Variants in HMBOX1 observed in about 807,000 individuals in gnomAD.
HMBOX1 encodes the protein homeobox-containing protein 1.
HMBOX1 carries 14 observed loss-of-function variants against 54.5 expected under a neutral mutation model. The observed-to-expected ratio is 0.26, with a 90% CI of 0.17 to 0.40. HMBOX1 has a LOEUF of 0.40. Among genes scored for constraint, HMBOX1 ranks in the 10% least tolerant of loss-of-function variants. HMBOX1 has a pLI of 1.00. For missense variants in HMBOX1, 332 were observed against 514.4 expected, an observed-to-expected ratio of 0.65 and a Z score of 3.43; for synonymous variants, 160 against 181.0, an observed-to-expected ratio of 0.88 and a Z score of 0.93.
intron 4 of HMBOX1, among the ~76,000 whole-genome samples, chr8:28,990,411 A>G (rs188545417): frequency 6.6e-5 from 10 of 152,286 alleles, no homozygotes; most frequent in African/African-American, 1.9e-4. Flanking sequence ...TATTTTATCA[A>G]ATGCTTTTTC....
intron 2 of HMBOX1, among the ~76,000 whole-genome samples, chr8:28,966,513 A>G (rs1265206480): frequency 6.6e-6 from 1 of 152,218 alleles, no homozygotes; most frequent in Non-Finnish European, 1.5e-5. Flanking sequence ...TTTCTGTTAT[A>G]AAAGAATTGC....
chr8:28,937,172 G>T (rs918411325), intron 1 of HMBOX1, among the ~76,000 whole-genome samples: 15 of 152,180 alleles, frequency 9.9e-5, no homozygotes, highest in Admixed American at 4.6e-4. Context: ...TAGTGGTTTT[G>T]AAGTGGGTGT....
At chr8:28,942,137 G>A (rs1028354899) in intron 1 of HMBOX1, among the ~76,000 whole-genome samples, 2 of 152,188 alleles carry the variant, frequency 1.3e-5, no homozygotes, top group African/African-American at 4.8e-5. Flanking sequence ...GTGCCCCGGA[G>A]GTGCCAGGCT....
intron 1 of HMBOX1, among the ~76,000 whole-genome samples, chr8:28,894,942 CAA>C (rs575886185): frequency 6.0e-5 from 7 of 116,706 alleles, no homozygotes; most frequent in African/African-American, 1.5e-4. Context: ...TTAACATTTG[CAA>C]AAAAAAAAAA....
chr8:29,034,413 G>A (rs185127417), intron 6 of HMBOX1, among the ~76,000 whole-genome samples: 19 of 152,312 alleles, frequency 1.2e-4, no homozygotes, highest in African/African-American at 4.6e-4. Flanking sequence ...TACTAGGTTT[G>A]TCATCAAAAT....
At chr8:28,915,973 A>G (rs964226075) in intron 1 of HMBOX1, 6 of 152,190 alleles carry the variant, frequency 3.9e-5, no homozygotes, top group African/African-American at 1.4e-4. Context: ...TAAGTCTTCA[A>G]AACTGGTATT....
chr8:28,984,021 G>A (rs1017033238), intron 4 of HMBOX1, among the ~76,000 whole-genome samples: 8 of 152,214 alleles, frequency 5.3e-5, no homozygotes, highest in African/African-American at 1.9e-4. Flanking sequence ...AAGAGATCCA[G>A]CTAGAGAATA....
chr8:28,907,333 T>C (rs1814532979), intron 1 of HMBOX1, among the ~76,000 whole-genome samples: 1 of 152,204 alleles, frequency 6.6e-6, no homozygotes, highest in Non-Finnish European at 1.5e-5. Flanking sequence ...AGGGTAGAGC[T>C]CAGGTCACTT....
At chr8:29,011,180 TA>T (rs1834175147) in intron 5 of HMBOX1, among the ~76,000 whole-genome samples, 1 of 152,224 alleles carries the variant, frequency 6.6e-6, no homozygotes, top group Non-Finnish European at 1.5e-5. Context: ...GGTTTTCACT[TA>T]AAAAATTCTT....
chr8:28,926,417 G>A (rs1818517724), intron 1 of HMBOX1, among the ~76,000 whole-genome samples: 1 of 152,072 alleles, frequency 6.6e-6, no homozygotes, highest in Admixed American at 6.6e-5. Context: ...TTACCTTTGA[G>A]TTTGAGAGAA....
chr8:29,043,319 A>C (rs1048647804), intron 6 of HMBOX1, among the ~76,000 whole-genome samples: 3 of 152,114 alleles, frequency 2.0e-5, no homozygotes, highest in Admixed American at 1.3e-4. Context: ...CTGCCTTGCA[A>C]CCTCCTGTGC....
chr8:29,008,056 G>A (rs1833717711), intron 4 of HMBOX1, among the ~76,000 whole-genome samples: 1 of 152,096 alleles, frequency 6.6e-6, no homozygotes, highest in African/African-American at 2.4e-5. Flanking sequence ...TAAACGGGAC[G>A]AGTCGACACA....
At chr8:29,036,914 T>C (rs1181577245) in intron 6 of HMBOX1, among the ~76,000 whole-genome samples, 1 of 152,244 alleles carries the variant, frequency 6.6e-6, no homozygotes, top group Non-Finnish European at 1.5e-5. Flanking sequence ...TTGTCAGATC[T>C]ACTCTGTTAC....
intron 9 of HMBOX1, among the ~76,000 whole-genome samples, chr8:29,049,772 T>G (rs1420544333): frequency 6.6e-6 from 1 of 152,218 alleles, no homozygotes; most frequent in Non-Finnish European, 1.5e-5. Flanking sequence ...GGATTTAAAT[T>G]TCCATTTGGA....
intron 1 of HMBOX1, among the ~76,000 whole-genome samples, chr8:28,906,789 C>T (rs1476267771): frequency 6.6e-6 from 1 of 152,056 alleles, no homozygotes. Flanking sequence ...CGGGGTTTCA[C>T]CATATTGAAC....
chr8:28,962,223 G>A (rs1029260353), intron 1 of HMBOX1, among the ~76,000 whole-genome samples: 1 of 151,932 alleles, frequency 6.6e-6, no homozygotes, highest in African/African-American at 2.4e-5. Flanking sequence ...TTGTTTGCTT[G>A]GTCTTCTGTT....
At chr8:28,895,492 T>C (rs1489117521) in intron 1 of HMBOX1, among the ~76,000 whole-genome samples, 2 of 152,090 alleles carry the variant, frequency 1.3e-5, no homozygotes, top group Non-Finnish European at 1.5e-5. Context: ...CTGGCCAACA[T>C]GGCGAAACCT....
At chr8:29,027,357 G>A (rs1050002786) in intron 6 of HMBOX1, among the ~76,000 whole-genome samples, 6 of 152,202 alleles carry the variant, frequency 3.9e-5, no homozygotes, top group African/African-American at 7.2e-5. Flanking sequence ...AGTGAAAGGA[G>A]TAGATCTGAA....
intron 4 of HMBOX1, among the ~76,000 whole-genome samples, chr8:29,007,194 C>CG (rs1300232199): frequency 6.6e-6 from 1 of 151,410 alleles, no homozygotes. Flanking sequence ...GAGGCTGAGG[C>CG]GGGGGAATCG....
Sources: allele counts gnomAD v4.1 joint callset (sites outside exome capture counted in the v4.1 genomes callset), GRCh38; gene constraint gnomAD v4.1.1; transcripts MANE v1.5; gene names NCBI Gene and HGNC (gene_info 2026-07-23, HGNC 2026-07-21).